Variants in CACNA1S observed in about 807,000 individuals in gnomAD.
The protein encoded by CACNA1S is calcium voltage-gated channel subunit alpha1 S, also known as voltage-dependent L-type calcium channel subunit alpha-1S.
A neutral mutation model predicts 207.4 loss-of-function variants in CACNA1S; 126 were observed. The ratio of observed to expected loss-of-function variants is 0.61; its 90% CI spans 0.53 to 0.70. The LOEUF is 0.70. CACNA1S is among the 30% of genes least tolerant of loss of function. The pLI is 0.00. For synonymous variants in CACNA1S, 960 were observed against 932.7 expected, an observed-to-expected ratio of 1.03 and a Z score of -0.53; for missense variants, 2,349 against 2,422.8, an observed-to-expected ratio of 0.97 and a Z score of 0.64.
chr1:201,065,970 A>T, intron 21 of CACNA1S, 25 bp from the exon 22 acceptor site: 1 of 1,512,552 alleles, frequency 6.6e-7, no homozygotes, highest in Non-Finnish European at 9.2e-7. Flanking sequence ...GCCAATGGGG[A>T]CTGGGGGTGC....
rs1454200517 is a variant in CACNA1S at position 201,091,621 on chromosome 1, A to G, written c.694+19T>C. 9 of 1,613,984 alleles carry G rather than the reference A, an allele frequency of 5.6e-6. No individual in the cohort carries two copies. Among genetic ancestry groups the G allele is most frequent in the South Asian group, 1.1e-5 (1 of 91,070 alleles). On this transcript the variant is annotated intron_variant, in intron 5 of 43. Coordinates refer to ENST00000362061, the MANE Select transcript of CACNA1S (RefSeq NM_000069.3). ...ATCCTAGGCCCTGCCCCACAGCCCC[A>G]CTTTCCCTGGGAGCTCACCTGTACC...
intron 7 of CACNA1S, among the ~76,000 whole-genome samples, chr1:201,086,824 T>C (rs1662053589): frequency 6.6e-6 from 1 of 152,276 alleles, no homozygotes; most frequent in Non-Finnish European, 1.5e-5. Flanking sequence ...GTGTAAATAC[T>C]ATTCGCAACA....
At position 201,108,165 on chromosome 1, in the gene CACNA1S, G is replaced by A. The variant is rs547291625; in HGVS notation, c.258+1999C>T. Among the ~76,000 whole-genome samples, 16 of 151,220 alleles carry A rather than the reference G, an allele frequency of 1.1e-4. No individual in the cohort carries two copies. In the South Asian group the frequency reaches 2.7e-3, roughly 26 times the overall value. ...GTGTCACTCGGGCTGGAGTGCAGTG[G>A]CATGATCTTGGCTCACTGCAGCCTC... On this transcript the variant is annotated intron_variant, in intron 2 of 43. Transcript: ENST00000362061.
At chr1:201,088,208 A>G (rs940445428) in intron 6 of CACNA1S, among the ~76,000 whole-genome samples, 1 of 152,142 alleles carries the variant, frequency 6.6e-6, no homozygotes, top group Admixed American at 6.5e-5. Context: ...AGTGTCTCCT[A>G]TCTGCCTCCC....
At position 201,101,487 on chromosome 1, in the gene CACNA1S, A is replaced by G. The variant is rs115926463; in HGVS notation, c.259-7466T>C. On this transcript the variant is annotated intron_variant, in intron 2 of 43. Transcript: ENST00000362061. ...TGGAACAAAAGTAAAACGTTTAGCA[A>G]CTTTGACACAGGGGCTCGGCACCTC... Among the ~76,000 whole-genome samples, 154 of 152,350 alleles carry G rather than the reference A, an allele frequency of 1.0e-3. 1 individual carries two copies. The highest frequency in any genetic ancestry group is 3.5e-3 in the African/African-American group (147 of 41,582).
In CACNA1S at chr1:201,076,999, C is replaced by T. The variant is rs1479850283; in HGVS notation, c.1748G>A (p.Gly583Glu). ...FALLGMQLFG[G>E]RYDFEDTEVR... is the part of the protein sequence containing the mutation. ...TTCTGTGTCTTCAAAGTCATACCTC[C>T]CCCCAAAGAGCTGCATGCCCAGGAG... The change falls in exon 12 of 44, where the codon GGG becomes GAG. Residue 583 changes from glycine to glutamate, a missense_variant. Transcript: ENST00000362061. The T allele has an allele frequency of 1.2e-6, 2 of 1,614,218 alleles. No individual in the cohort carries two copies. Among genetic ancestry groups the T allele is most frequent in the Non-Finnish European group, 1.7e-6 (2 of 1,180,044 alleles).
chr1:201,105,019 G>C (rs910499417), intron 2 of CACNA1S, among the ~76,000 whole-genome samples: 3 of 152,246 alleles, frequency 2.0e-5, no homozygotes, highest in Admixed American at 6.5e-5. Context: ...CAATATGCAA[G>C]TAATCGATAA....
intron 32 of CACNA1S, 72 bp downstream of exon 32, chr1:201,052,485 A>C: frequency 9.7e-6 from 11 of 1,138,688 alleles, no homozygotes; most frequent in Non-Finnish European, 1.3e-5. Flanking sequence ...CCCTGGCTCC[A>C]GTGCACATTA....
chr1:201,050,944 C>G (rs1490751955), intron 33 of CACNA1S, 40 bp downstream of exon 33: 13 of 1,610,388 alleles, frequency 8.1e-6, no homozygotes, highest in Admixed American at 1.7e-5. Context: ...CTCAGCTTAT[C>G]AAAGCCCTCT....
chr1:201,096,431 T>C (rs917230108), intron 2 of CACNA1S, among the ~76,000 whole-genome samples: 6 of 152,200 alleles, frequency 3.9e-5, no homozygotes, highest in Non-Finnish European at 5.9e-5. Flanking sequence ...CAGTCTTCCA[T>C]GGAAAAATGA....
At chr1:201,062,166 G>C (rs1661074520) in intron 23 of CACNA1S, 76 bp from the exon 24 acceptor site, 1 of 1,555,272 alleles carries the variant, frequency 6.4e-7, no homozygotes, top group Non-Finnish European at 8.8e-7. Context: ...CTGGGCCCTG[G>C]GTGGGGAGTG....
intron 32 of CACNA1S, among the ~76,000 whole-genome samples, chr1:201,051,447 A>T (rs1416688955): frequency 6.6e-6 from 1 of 152,188 alleles, no homozygotes; most frequent in Non-Finnish European, 1.5e-5. Flanking sequence ...GCAGGGTCAT[A>T]TGTCACAGAG....
chr1:201,112,164 CA>C (rs1663144404), intron 1 of CACNA1S, 23 bp downstream of exon 1: 1 of 1,597,776 alleles, frequency 6.3e-7, no homozygotes, highest in East Asian at 2.2e-5. Flanking sequence ...CACCCCCCCC[CA>C]CGGCCCGGGC....
At chr1:201,056,189 C>T (rs1354981999) in intron 28 of CACNA1S, among the ~76,000 whole-genome samples, 4 of 152,232 alleles carry the variant, frequency 2.6e-5, no homozygotes, top group Non-Finnish European at 4.4e-5. Flanking sequence ...CTGTCACCGT[C>T]TGTTCTGTGC....
At chr1:201,111,976 C>CACCCTCCTCCTCTTCCTCCTCCTCCCCT (rs1663128146) in intron 1 of CACNA1S, among the ~76,000 whole-genome samples, 1 of 149,876 alleles carries the variant, frequency 6.7e-6, no homozygotes, top group Non-Finnish European at 1.5e-5. Context: ...CCTCCTCCCC[C>CACCCTCCTCCTCTTCCTCCTCCTCCCCT]ACCCTCCTCG....
Position 201,083,323 on chromosome 1 carries a change from C to T in CACNA1S, c.1233-1G>A, listed in dbSNP as rs760082356. ...GCGGTTCCACTGCCTCCAATGTCGGCTGAGGGAGGGGACAGAGGATGGTCT... is the reference window on the plus strand; with the variant it reads ...GCGGTTCCACTGCCTCCAATGTCGGTTGAGGGAGGGGACAGAGGATGGTCT... On this transcript the variant is annotated splice_acceptor_variant, in intron 9 of 43. Coordinates refer to ENST00000362061, the MANE Select transcript of CACNA1S (RefSeq NM_000069.3). LOFTEE classifies it high-confidence loss of function. The T allele has an allele frequency of 4.3e-6, 7 of 1,614,154 alleles. No homozygotes were observed. Among genetic ancestry groups the T allele is most frequent in the Non-Finnish European group, 5.9e-6 (7 of 1,179,996 alleles).
At chr1:201,078,164 C>T in intron 10 of CACNA1S, 60 bp from the exon 11 acceptor site, 3 of 1,384,888 alleles carry the variant, frequency 2.2e-6, no homozygotes, top group East Asian at 2.3e-5. Context: ...GACTCCCAGC[C>T]TTGGCTGTGG....
intron 22 of CACNA1S, among the ~76,000 whole-genome samples, chr1:201,064,346 C>T (rs776699706): frequency 2.6e-5 from 4 of 152,210 alleles, no homozygotes; most frequent in Non-Finnish European, 5.9e-5. Flanking sequence ...ACACAATAAA[C>T]ACTCCCATCC....
intron 24 of CACNA1S, 85 bp downstream of exon 24, chr1:201,061,859 C>T (rs1661061203): frequency 2.0e-6 from 3 of 1,482,004 alleles, no homozygotes; most frequent in African/African-American, 1.4e-5. Context: ...AGCAGTAGCA[C>T]CGTGGGGGCT....
Sources: allele counts gnomAD v4.1 joint callset (sites outside exome capture counted in the v4.1 genomes callset), GRCh38; gene constraint gnomAD v4.1.1; transcripts MANE v1.5; gene names NCBI Gene and HGNC (gene_info 2026-07-23, HGNC 2026-07-21).